MAP4K4: variants seen among roughly 807,000 people sequenced by gnomAD.
MAP4K4 encodes the protein HPK/GCK-like kinase HGK.
In MAP4K4, 38 loss-of-function variants were observed where a neutral mutation model predicts 189.6. That is an observed-to-expected ratio of 0.20 (90% CI 0.15 to 0.26). The LOEUF (loss-of-function observed/expected upper bound fraction) is 0.26. Ranked by LOEUF, MAP4K4 falls within the 10% of genes least tolerant of loss-of-function variation. MAP4K4 has a pLI of 1.00. For synonymous variants in MAP4K4, 610 were observed against 624.3 expected (o/e 0.98, Z 0.34); for missense variants, 1,054 against 1,726.9 (o/e 0.61, Z 6.91).
At chr2:101,764,431 T>C (rs912752346) in intron 2 of MAP4K4, among the ~76,000 whole-genome samples, 1 of 152,230 alleles carries the variant, frequency 6.6e-6, no homozygotes, top group African/African-American at 2.4e-5. Flanking sequence ...TTGGTAAAAT[T>C]AAGTTGAGAA....
At chr2:101,870,550 G>A (rs988001186) in intron 23 of MAP4K4, 135 bp downstream of exon 23, 14 of 1,247,114 alleles carry the variant, frequency 1.1e-5, no homozygotes, top group South Asian at 3.0e-5. Context: ...GTCAAGTGTC[G>A]AGTGTCGGGG....
At chr2:101,713,353 G>A (rs1005437841) in intron 2 of MAP4K4, among the ~76,000 whole-genome samples, 13 of 152,118 alleles carry the variant, frequency 8.5e-5, no homozygotes, top group African/African-American at 2.7e-4. Context: ...CCAGCACTTT[G>A]GGAGGCTTAG....
rs1168912794 is a variant in MAP4K4 at position 101,725,289 on chromosome 2, T to G, written c.123+26751T>G. On this transcript the variant is annotated intron_variant, in intron 2 of 32. Transcript: ENST00000324219. ...AAGATGAAATAGATGTAGCCATGCT[T>G]TCATAATTAGTCAAGCTATAGCGAT... Among the ~76,000 whole-genome samples, 3 of 151,826 alleles carry G rather than the reference T, an allele frequency of 2.0e-5. No individual in the cohort carries two copies. In the East Asian group the frequency reaches 5.8e-4, roughly 29 times the overall value.
At chr2:101,792,245 G>A (rs1230247591) in intron 3 of MAP4K4, among the ~76,000 whole-genome samples, 1 of 152,108 alleles carries the variant, frequency 6.6e-6, no homozygotes, top group Admixed American at 6.6e-5. Context: ...GGAAAATACG[G>A]TCTTTGCATA....
At position 101,871,486 on chromosome 2, in the gene MAP4K4, T is replaced by C. The variant is rs2098021731; in HGVS notation, c.2761-8T>C. 1 of 1,526,708 alleles carries C rather than the reference T, an allele frequency of 6.6e-7. No homozygotes were observed. Among genetic ancestry groups the C allele is most frequent in the Non-Finnish European group, 8.8e-7 (1 of 1,139,952 alleles). The allele number at this position is 1,526,708 out of a possible 1,614,324, so 94.6% of individuals were successfully genotyped here. The stretch of plus-strand genomic sequence containing the variant: ...TGAGCGAGACAAGTGTGCCTGTTTT[T>C]TCTACAGAGTACAGTTGACCAAAAG... On this transcript the variant is annotated splice_region_variant and splice_polypyrimidine_tract_variant and intron_variant, in intron 23 of 32. Coordinates refer to ENST00000324219, the Ensembl canonical transcript of MAP4K4.
intron 3 of MAP4K4, among the ~76,000 whole-genome samples, chr2:101,816,962 T>G (rs1453856446): frequency 6.6e-6 from 1 of 151,420 alleles, no homozygotes; most frequent in East Asian, 1.9e-4. Flanking sequence ...AAGCTCATTT[T>G]GAATTCTTTG....
chr2:101,704,565 ATATTTTTTTTTT>A (rs1218293441), intron 2 of MAP4K4, among the ~76,000 whole-genome samples: 12,463 of 40,234 alleles, frequency 0.31, 980 homozygotes, highest in Admixed American at 0.38. Flanking sequence ...ATATATATAT[ATATTTTTTTTTT>A]TTTTTTTTTT....
chr2:101,775,031 CCTCTTTTT>C (rs2083321976), intron 2 of MAP4K4, among the ~76,000 whole-genome samples: 1 of 149,114 alleles, frequency 6.7e-6, no homozygotes, highest in African/African-American at 2.5e-5. Flanking sequence ...TTTCCTATCC[CCTCTTTTT>C]TTTTTTTTTT....
intron 2 of MAP4K4, among the ~76,000 whole-genome samples, chr2:101,755,929 CTTTTTTTTTTTTTTTTT>C (rs57392183): frequency 1.7e-5 from 1 of 57,742 alleles, no homozygotes; most frequent in Non-Finnish European, 3.1e-5. Context: ...AGTTCTTTTT[CTTTTTTTTTTTTTTTTT>C]TTTTTTTTTT....
Position 101,759,922 on chromosome 2 carries a change from C to T in MAP4K4, c.124-30798C>T, listed in dbSNP as rs569731527. Among the ~76,000 whole-genome samples, 3 of 151,642 alleles carry T rather than the reference C, an allele frequency of 2.0e-5. No individual in the cohort carries two copies. In the East Asian group the frequency reaches 6.0e-4, roughly 30 times the overall value. ...GCAATGGCACAGTCTCACCTCACTGCAGCTTGTGACTCCTGGGCCCAAGTG... is the reference window on the plus strand; with the variant it reads ...GCAATGGCACAGTCTCACCTCACTGTAGCTTGTGACTCCTGGGCCCAAGTG... On this transcript the variant is annotated intron_variant, in intron 2 of 32. Transcript: ENST00000324219.
chr2:101,830,579 A>G (rs984256442), intron 6 of MAP4K4, among the ~76,000 whole-genome samples: 3 of 152,304 alleles, frequency 2.0e-5, no homozygotes, highest in African/African-American at 4.8e-5. Context: ...TAAGATCTTC[A>G]TAGTTACTTT....
chr2:101,746,819 G>A (rs746535119), intron 2 of MAP4K4, among the ~76,000 whole-genome samples: 2 of 151,908 alleles, frequency 1.3e-5, no homozygotes, highest in East Asian at 1.9e-4. Flanking sequence ...TTTTGTCTTC[G>A]CCGCCCCTTC....
At chr2:101,884,229 A>G (rs905061965) in intron 28 of MAP4K4, among the ~76,000 whole-genome samples, 2 of 152,186 alleles carry the variant, frequency 1.3e-5, no homozygotes, top group African/African-American at 4.8e-5. Context: ...TATTAAATTA[A>G]TAAAAATTAA....
At chr2:101,720,749 C>T (rs988394887) in intron 2 of MAP4K4, among the ~76,000 whole-genome samples, 1 of 152,074 alleles carries the variant, frequency 6.6e-6, no homozygotes, top group African/African-American at 2.4e-5. Flanking sequence ...TTCAGATATT[C>T]AAGTTAAGTA....
intron 27 of MAP4K4, among the ~76,000 whole-genome samples, chr2:101,878,491 A>G (rs866908148): frequency 2.0e-5 from 3 of 152,332 alleles, no homozygotes; most frequent in South Asian, 4.1e-4. Flanking sequence ...CCTCCATTTT[A>G]TATGGCTAGA....
intron 2 of MAP4K4, among the ~76,000 whole-genome samples, chr2:101,744,379 C>T (rs1351094827): frequency 6.6e-6 from 1 of 152,174 alleles, no homozygotes; most frequent in Non-Finnish European, 1.5e-5. Flanking sequence ...TCAGTTGAGA[C>T]CCATCATTGT....
At chr2:101,743,019 C>G (rs1471421097) in intron 2 of MAP4K4, among the ~76,000 whole-genome samples, 1 of 152,096 alleles carries the variant, frequency 6.6e-6, no homozygotes, top group Non-Finnish European at 1.5e-5. Flanking sequence ...AATTATAAAT[C>G]TGTTTATATT....
At chr2:101,887,259 A>G (rs758884817) in intron 30 of MAP4K4, 22 bp downstream of exon 30, 19 of 1,590,190 alleles carry the variant, frequency 1.2e-5, no homozygotes, top group South Asian at 2.3e-5. Context: ...CCCACACTCT[A>G]TGGTTGGTTG....
intron 17 of MAP4K4, 132 bp downstream of exon 17, chr2:101,864,183 T>C: frequency 2.6e-6 from 1 of 388,502 alleles, no homozygotes; most frequent in Non-Finnish European, 4.6e-6. Flanking sequence ...AAGGGACTTT[T>C]TACTGGTGAG....
Sources: gnomAD v4.1 joint callset for allele counts (sites outside exome capture counted in the v4.1 genomes callset) on GRCh38, gnomAD v4.1.1 for gene constraint, MANE v1.5 for transcripts, NCBI Gene and HGNC (gene_info 2026-07-23, HGNC 2026-07-21) for gene names.